PPP2R5E: variants seen among roughly 807,000 people sequenced by gnomAD.
PPP2R5E encodes protein phosphatase 2 regulatory subunit B'epsilon.
A neutral mutation model predicts 65.3 loss-of-function variants in PPP2R5E; 4 were observed. The ratio of observed to expected loss-of-function variants is 0.06; its 90% CI spans 0.03 to 0.14. The LOEUF is 0.14. Ranked by LOEUF, PPP2R5E falls within the 10% of genes least tolerant of loss-of-function variation. PPP2R5E has a pLI of 1.00. For synonymous variants in PPP2R5E, 183 were observed against 187.4 expected (o/e 0.98, Z 0.19); for missense variants, 274 against 556.1 (o/e 0.49, Z 5.10).
Position 63,374,328 on chromosome 14 carries a change from T to C in PPP2R5E, c.*1681A>G, listed in dbSNP as rs1883858554. 1 of 151,952 alleles carries C rather than the reference T, an allele frequency of 6.6e-6. No individual in the cohort carries two copies. Among genetic ancestry groups the C allele is most frequent in the South Asian group, 2.1e-4 (1 of 4,836 alleles). The allele number at this position is 151,952 out of a possible 1,614,324, so 9.4% of individuals were successfully genotyped here. A position where few individuals can be genotyped will look rare whatever the true frequency, so the allele number is the denominator to read the frequency against. On this transcript the variant is annotated 3_prime_UTR_variant, in exon 14 of 14. Transcript: ENST00000337537. Reference sequence around the variant, plus strand: ...AATATACAAGCCCATATTTATATTGTATTTCTATTAAGAGCAACAATAGTT... The same window carrying C: ...AATATACAAGCCCATATTTATATTGCATTTCTATTAAGAGCAACAATAGTT...
intron 2 of PPP2R5E, among the ~76,000 whole-genome samples, chr14:63,521,288 C>T (rs1892898056): frequency 6.6e-6 from 1 of 152,204 alleles, no homozygotes; most frequent in Non-Finnish European, 1.5e-5. Flanking sequence ...TTTAGAACTT[C>T]ATCTAAACTG....
intron 13 of PPP2R5E, among the ~76,000 whole-genome samples, chr14:63,380,905 A>C (rs999389571): frequency 6.6e-6 from 1 of 152,100 alleles, no homozygotes; most frequent in South Asian, 2.1e-4. Flanking sequence ...CTTTTTATCA[A>C]TAAAATGCAA....
chr14:63,493,227 C>G (rs1891370044), intron 2 of PPP2R5E, among the ~76,000 whole-genome samples: 1 of 151,342 alleles, frequency 6.6e-6, no homozygotes, highest in Non-Finnish European at 1.5e-5. Context: ...TTTTTTAACC[C>G]CAAACTCCTG....
chr14:63,478,851 G>A lies in PPP2R5E; in HGVS notation c.158-24966C>T, dbSNP rs1015567140. 8.5e-5 allele frequency among the ~76,000 whole-genome samples: 13 copies of A among 152,228 alleles called. No individual in the cohort carries two copies. In the East Asian group the frequency reaches 2.3e-3, roughly 27 times the overall value. On this transcript the variant is annotated intron_variant, in intron 2 of 13. Transcript: ENST00000337537. Reference sequence around the variant, plus strand: ...AATAAAGAAATCATTGGCCGGGTACGGTGGCTCATGCCTGTAATCCCAGCA... The same window carrying A: ...AATAAAGAAATCATTGGCCGGGTACAGTGGCTCATGCCTGTAATCCCAGCA...
chr14:63,481,281 G>A (rs1220692469), intron 2 of PPP2R5E, among the ~76,000 whole-genome samples: 1 of 152,082 alleles, frequency 6.6e-6, no homozygotes, highest in African/African-American at 2.4e-5. Flanking sequence ...TGAATCACCT[G>A]AGGTCAGGAG....
At chr14:63,393,118 A>C (rs1294171028) in intron 8 of PPP2R5E, among the ~76,000 whole-genome samples, 2 of 152,256 alleles carry the variant, frequency 1.3e-5, no homozygotes, top group Non-Finnish European at 2.9e-5. Flanking sequence ...AGGGCAACTG[A>C]TAGACTAACG....
intron 2 of PPP2R5E, among the ~76,000 whole-genome samples, chr14:63,500,661 G>C (rs1179049660): frequency 6.6e-6 from 1 of 152,012 alleles, no homozygotes; most frequent in Non-Finnish European, 1.5e-5. Context: ...TGAGACAATA[G>C]AGCAACATAG....
At chr14:63,454,042 C>T (rs773077073) in intron 2 of PPP2R5E, among the ~76,000 whole-genome samples, 157 bp from the exon 3 acceptor site, 2 of 152,142 alleles carry the variant, frequency 1.3e-5, no homozygotes, top group Non-Finnish European at 2.9e-5. Context: ...GAGGGGATAC[C>T]GTATCTACTA....
chr14:63,542,357 G>C (rs1893935393), intron 1 of PPP2R5E, among the ~76,000 whole-genome samples: 1 of 152,098 alleles, frequency 6.6e-6, no homozygotes. Context: ...TCCAAAGGGG[G>C]TAAGGGGAAG....
intron 2 of PPP2R5E, among the ~76,000 whole-genome samples, chr14:63,504,460 T>C: frequency 6.6e-6 from 1 of 152,142 alleles, no homozygotes; most frequent in Non-Finnish European, 1.5e-5. Context: ...CTCACGCCTA[T>C]AGTCCCAGCT....
intron 3 of PPP2R5E, among the ~76,000 whole-genome samples, chr14:63,422,683 C>T (rs1329745904): frequency 1.4e-5 from 2 of 138,622 alleles, no homozygotes; most frequent in Non-Finnish European, 3.0e-5. Context: ...GCCGAGATCG[C>T]GGCACTGCAC....
chr14:63,377,632 A>T (rs1884066150), intron 13 of PPP2R5E, among the ~76,000 whole-genome samples: 1 of 152,250 alleles, frequency 6.6e-6, no homozygotes, highest in South Asian at 2.1e-4. Context: ...TAGTAAAGCC[A>T]TATGGTAATT....
intron 2 of PPP2R5E, among the ~76,000 whole-genome samples, chr14:63,467,889 G>A (rs1889917570): frequency 6.6e-6 from 1 of 152,200 alleles, no homozygotes; most frequent in South Asian, 2.1e-4. Context: ...GAGTTAGACT[G>A]CCTGGAGTCC....
rs80058521 is a variant in PPP2R5E, at chr14:63,481,626, C to T, written c.158-27741G>A. 8.1e-3 allele frequency among the ~76,000 whole-genome samples: 1,234 copies of T among 151,832 alleles called. 43 individuals carry two copies. In the East Asian group the frequency reaches 0.11, roughly 14 times the overall value. On this transcript the variant is annotated intron_variant, in intron 2 of 13. Transcript: ENST00000337537. ...CAGTCCTATGCATTTCATTGAGATA[C>T]ATTTCCAATAACTATTTAATAGTTT...
At position 63,445,714 on chromosome 14, in the gene PPP2R5E, C is replaced by T. The variant is rs140168840; in HGVS notation, c.354+7975G>A. 1.3e-3 allele frequency among the ~76,000 whole-genome samples: 200 copies of T among 152,124 alleles called. 1 individual carries two copies. Among genetic ancestry groups the T allele is most frequent in the African/African-American group, 4.7e-3 (196 of 41,524 alleles). On this transcript the variant is annotated intron_variant, in intron 3 of 13. Transcript: ENST00000337537. Reference sequence around the variant, plus strand: ...AAAATTAGCTAAGCGTGGTGGTGAGCGCCTGTAATCCCAGCTACTCGGGAG... The same window carrying T: ...AAAATTAGCTAAGCGTGGTGGTGAGTGCCTGTAATCCCAGCTACTCGGGAG...
chr14:63,486,444 TAA>T (rs1891001521), intron 2 of PPP2R5E, among the ~76,000 whole-genome samples: 1 of 152,108 alleles, frequency 6.6e-6, no homozygotes, highest in Non-Finnish European at 1.5e-5. Context: ...TTTTCTGGTA[TAA>T]GTTACACACA....
chr14:63,397,502 T>TTAA (rs1885470215), intron 5 of PPP2R5E, among the ~76,000 whole-genome samples: 1 of 62,294 alleles, frequency 1.6e-5, no homozygotes, highest in Non-Finnish European at 3.0e-5. Flanking sequence ...ATTCGGTCTT[T>TTAA]AAAAAAAAAA....
intron 5 of PPP2R5E, among the ~76,000 whole-genome samples, chr14:63,410,296 G>A (rs1375830213): frequency 2.6e-5 from 4 of 152,174 alleles, no homozygotes. Flanking sequence ...AAAAGGAAAA[G>A]GATGTAGGTT....
At chr14:63,489,128 T>C (rs531337078) in intron 2 of PPP2R5E, among the ~76,000 whole-genome samples, 100 of 152,096 alleles carry the variant, frequency 6.6e-4, no homozygotes, top group African/African-American at 2.3e-3. Flanking sequence ...ATTGGTGGTA[T>C]TGGATTTTTG....
Sources: allele counts gnomAD v4.1 joint callset (sites outside exome capture counted in the v4.1 genomes callset), GRCh38; gene constraint gnomAD v4.1.1; transcripts MANE v1.5; gene names NCBI Gene and HGNC (gene_info 2026-07-23, HGNC 2026-07-21).